The following ACTR3C variants were observed in gnomAD, a reference collection of about 807,000 sequenced individuals.
ACTR3C encodes actin-related protein 3C.
ACTR3C carries 18 observed loss-of-function variants against 26.3 expected under a neutral mutation model. The observed-to-expected ratio is 0.68, with a 90% CI of 0.47 to 1.01. ACTR3C has a LOEUF of 1.01. Ranked by LOEUF, ACTR3C falls within the 50% of genes least tolerant of loss-of-function variation. The pLI, the probability that ACTR3C is intolerant of heterozygous loss-of-function variation, is 0.00. For missense variants in ACTR3C, 184 were observed against 250.7 expected (o/e 0.73, Z 1.80); for synonymous variants, 55 against 94.5 (o/e 0.58, Z 2.42).
the ACTR3C span, among the ~76,000 whole-genome samples, chr7:150,122,309 G>C: frequency 2.0e-5 from 3 of 151,668 alleles, no homozygotes; most frequent in Non-Finnish European, 4.4e-5. Context: ...TATCATCAGA[G>C]TGAACAGGGA....
chr7:150,190,032 T>C, the ACTR3C span, among the ~76,000 whole-genome samples: 1 of 152,192 alleles, frequency 6.6e-6, no homozygotes, highest in South Asian at 2.1e-4. Flanking sequence ...GAAATCCAGT[T>C]GCTCTGTGAC....
the ACTR3C span, among the ~76,000 whole-genome samples, chr7:150,034,965 C>G: frequency 0.034 from 4,814 of 141,932 alleles, 336 homozygotes; most frequent in African/African-American, 0.11. Context: ...ACTCTCAGTC[C>G]CCACTCTCGT....
the ACTR3C span, among the ~76,000 whole-genome samples, chr7:150,042,833 A>C: frequency 6.6e-6 from 1 of 151,226 alleles, no homozygotes; most frequent in South Asian, 2.1e-4. Flanking sequence ...TTAAAAGTCC[A>C]GCTGCCATCT....
the ACTR3C span, among the ~76,000 whole-genome samples, chr7:150,231,070 TA>T: frequency 2.0e-5 from 3 of 152,194 alleles, no homozygotes; most frequent in African/African-American, 7.2e-5. Context: ...ATATATTCAG[TA>T]ATACTATTAA....
At chr7:150,168,575 A>T in the ACTR3C span, among the ~76,000 whole-genome samples, 1 of 150,888 alleles carries the variant, frequency 6.6e-6, no homozygotes, top group Admixed American at 6.6e-5. Flanking sequence ...CACTTGAATC[A>T]TCCCAAACCC....
chr7:150,032,042 C>T, the ACTR3C span, among the ~76,000 whole-genome samples: 5 of 152,260 alleles, frequency 3.3e-5, no homozygotes, highest in African/African-American at 1.2e-4. Flanking sequence ...CTTGCCCCTT[C>T]TTCCGGTCTA....
At chr7:150,133,015 C>T in the ACTR3C span, among the ~76,000 whole-genome samples, 3 of 152,104 alleles carry the variant, frequency 2.0e-5, no homozygotes, top group Non-Finnish European at 2.9e-5. Context: ...TTCATTATTC[C>T]TCATCTGATT....
the ACTR3C span, among the ~76,000 whole-genome samples, chr7:150,026,525 G>A: frequency 6.7e-6 from 1 of 148,242 alleles, no homozygotes; most frequent in Non-Finnish European, 1.5e-5. Flanking sequence ...TTGGCCCATG[G>A]GTAATTCACT....
the ACTR3C span, among the ~76,000 whole-genome samples, chr7:150,082,748 G>A: frequency 6.6e-6 from 1 of 151,686 alleles, no homozygotes; most frequent in African/African-American, 2.4e-5. Flanking sequence ...TAACCTTTAT[G>A]TGATGCTTTA....
the ACTR3C span, among the ~76,000 whole-genome samples, chr7:150,116,578 G>C: frequency 6.6e-6 from 1 of 152,178 alleles, no homozygotes; most frequent in African/African-American, 2.4e-5. Context: ...ACATTAGATA[G>C]AAATCACAGA....
the ACTR3C span, among the ~76,000 whole-genome samples, chr7:150,110,693 G>T: frequency 6.7e-6 from 1 of 149,970 alleles, no homozygotes; most frequent in Non-Finnish European, 1.5e-5. Context: ...CAGTGGTGGG[G>T]CTGGCAGGGG....
chr7:150,133,728 T>A, the ACTR3C span, among the ~76,000 whole-genome samples: 6 of 151,604 alleles, frequency 4.0e-5, no homozygotes, highest in African/African-American at 1.5e-4. Context: ...ATTTTTTTTT[T>A]ATCTTTTGTG....
At chr7:149,967,083 G>A in the ACTR3C span, among the ~76,000 whole-genome samples, 7 of 121,498 alleles carry the variant, frequency 5.8e-5, no homozygotes, top group East Asian at 1.5e-3. Flanking sequence ...CACCCAGGCT[G>A]GAGTGCAGTG....
At chr7:150,198,634 GAT>G in the ACTR3C span, among the ~76,000 whole-genome samples, 2 of 149,824 alleles carry the variant, frequency 1.3e-5, no homozygotes, top group Non-Finnish European at 3.0e-5. Context: ...GAAGTGAGGA[GAT>G]CCTCCGCCCG....
At chr7:149,889,239 A>G in the ACTR3C span, among the ~76,000 whole-genome samples, 1 of 152,330 alleles carries the variant, frequency 6.6e-6, no homozygotes, top group African/African-American at 2.4e-5. Context: ...ACCTTAGATC[A>G]TGCACAGAAA....
At chr7:150,047,752 C>T in the ACTR3C span, 1 of 1,491,442 alleles carries the variant, frequency 6.7e-7, no homozygotes, top group Admixed American at 2.0e-5. Context: ...CCGCCGTCCT[C>T]CTCGGGCCCC....
intron 1 of ACTR3C, among the ~76,000 whole-genome samples, chr7:150,308,271 C>T (rs573008195): frequency 7.0e-4 from 107 of 152,144 alleles, no homozygotes; most frequent in Non-Finnish European, 8.4e-4. Flanking sequence ...CTCCTTCTTC[C>T]GCCTTAGCCT....
the ACTR3C span, among the ~76,000 whole-genome samples, chr7:149,977,167 C>G: frequency 6.6e-6 from 1 of 152,092 alleles, no homozygotes; most frequent in Non-Finnish European, 1.5e-5. Context: ...TGTATGCTAG[C>G]ATCTAATTAT....
chr7:150,111,046 C>T, the ACTR3C span, among the ~76,000 whole-genome samples: 36,872 of 148,506 alleles, frequency 0.25, 4,849 homozygotes, highest in Non-Finnish European at 0.28. Flanking sequence ...CCAGGGATAA[C>T]ACGTGGCAAA....
Sources: gnomAD v4.1 joint callset for allele counts (sites outside exome capture counted in the v4.1 genomes callset) on GRCh38, gnomAD v4.1.1 for gene constraint, MANE v1.5 for transcripts, NCBI Gene and HGNC (gene_info 2026-07-23, HGNC 2026-07-21) for gene names.